The following FAM241A variants were observed in gnomAD, a reference collection of about 807,000 sequenced individuals.
FAM241A encodes the protein uncharacterized protein FAM241A.
FAM241A carries 7 observed loss-of-function variants against 12.2 expected under a neutral mutation model. The ratio of observed to expected loss-of-function variants is 0.58; its 90% confidence interval spans 0.33 to 1.08. The LOEUF (loss-of-function observed/expected upper bound fraction) is 1.08. Among genes scored for constraint, FAM241A ranks in the 50% least tolerant of loss-of-function variants. FAM241A has a pLI of 0.04. For synonymous variants in FAM241A, 74 were observed against 68.2 expected (o/e 1.08, Z -0.42); for missense variants, 161 against 169.7 (o/e 0.95, Z 0.29).
chr4:112,172,438 G>C (rs1366573518), intron 1 of FAM241A, among the ~76,000 whole-genome samples: 1 of 152,150 alleles, frequency 6.6e-6, no homozygotes, highest in African/African-American at 2.4e-5. Context: ...GCTATAACCA[G>C]CTATCCTTTT....
intron 1 of FAM241A, among the ~76,000 whole-genome samples, chr4:112,167,113 CAAA>C (rs1216781434): frequency 3.5e-5 from 3 of 86,202 alleles, no homozygotes; most frequent in African/African-American, 8.5e-5. Flanking sequence ...GACTCCGTCT[CAAA>C]AAAAAAAAAA....
In FAM241A at chr4:112,192,737, A is replaced by G. The variant is rs1486669401; in HGVS notation, c.*5799A>G. 6.6e-6 allele frequency: 1 copy of G among 150,738 alleles called. No homozygotes were observed. Among genetic ancestry groups the G allele is most frequent in the Non-Finnish European group, 1.5e-5 (1 of 67,578 alleles). The allele number at this position is 150,738 out of a possible 1,614,324, so 9.3% of individuals were successfully genotyped here. ...TATATGTGCCACATTTTCTTAATCC[A>G]GTCTATCATTGTTGGACATTTGGGT... is the stretch of plus-strand genomic sequence containing the variant. On this transcript the variant is annotated 3_prime_UTR_variant, in exon 2 of 2. Coordinates refer to ENST00000309733, the MANE Select transcript of FAM241A (RefSeq NM_152400.3).
At position 112,151,983 on chromosome 4, in the gene FAM241A, TC is replaced by T. The variant is rs376972197; in HGVS notation, c.153+6252del. ...AACTAAATATTAGTTTATACTCACTTCCTTTCACGTATTTTAAAAGCAGTTT... is the reference window on the plus strand; with the variant it reads ...AACTAAATATTAGTTTATACTCACTTCTTTCACGTATTTTAAAAGCAGTTT... On this transcript the variant is annotated intron_variant, in intron 1 of 1. Coordinates refer to ENST00000309733, the MANE Select transcript of FAM241A (RefSeq NM_152400.3). 3.2e-4 allele frequency among the ~76,000 whole-genome samples: 49 copies of T among 152,380 alleles called. No individual in the cohort carries two copies. The East Asian group carries it at 9.2e-3, about 29-fold the overall frequency.
chr4:112,168,665 AT>A (rs146001118), intron 1 of FAM241A, among the ~76,000 whole-genome samples: 51,529 of 149,846 alleles, frequency 0.34, 8,888 homozygotes, highest in East Asian at 0.53. Flanking sequence ...CTATATTTGG[AT>A]TTTTTTTTTT....
chr4:112,160,481 C>G (rs560754267), intron 1 of FAM241A, among the ~76,000 whole-genome samples: 1 of 151,950 alleles, frequency 6.6e-6, no homozygotes, highest in South Asian at 2.1e-4. Flanking sequence ...CCATACTACC[C>G]GAAGCAACCT....
chr4:112,164,526 A>G (rs989633645), intron 1 of FAM241A, among the ~76,000 whole-genome samples: 5 of 152,354 alleles, frequency 3.3e-5, no homozygotes, highest in African/African-American at 9.6e-5. Flanking sequence ...GCAGCACACC[A>G]ACATGGCACA....
chr4:112,160,951 A>G (rs1723451662), intron 1 of FAM241A, among the ~76,000 whole-genome samples: 1 of 152,244 alleles, frequency 6.6e-6, no homozygotes, highest in African/African-American at 2.4e-5. Flanking sequence ...CAAACTATGA[A>G]ACTACTACAA....
At chr4:112,181,356 T>A (rs138258423) in intron 1 of FAM241A, among the ~76,000 whole-genome samples, 36 of 152,208 alleles carry the variant, frequency 2.4e-4, no homozygotes, top group African/African-American at 8.7e-4. Context: ...GTAGAAAATC[T>A]ATCAAATACT....
intron 1 of FAM241A, among the ~76,000 whole-genome samples, chr4:112,166,840 C>T (rs1482377954): frequency 6.6e-6 from 1 of 151,942 alleles, no homozygotes; most frequent in African/African-American, 2.4e-5. Flanking sequence ...ACTGGCCGGG[C>T]GCGGTGGCTC....
chr4:112,161,536 A>G (rs1723469413), intron 1 of FAM241A, among the ~76,000 whole-genome samples: 1 of 152,218 alleles, frequency 6.6e-6, no homozygotes. Flanking sequence ...AAACACCACT[A>G]CGCAAGTAAA....
rs1302911826 is a variant in FAM241A at position 112,189,200 on chromosome 4, A to G, written c.*2262A>G. 6.6e-6 allele frequency: 1 copy of G among 151,900 alleles called. No homozygotes were observed. The highest frequency in any genetic ancestry group is 2.4e-5 in the African/African-American group (1 of 41,338). 9.4% of individuals were successfully genotyped at this position (151,900 alleles called of 1,614,324 possible). ...GGAGATCGAGACCTTCCTGGCTAACATGGTGAAACCCCATCCCTACTAAAG... is the reference window on the plus strand; with the variant it reads ...GGAGATCGAGACCTTCCTGGCTAACGTGGTGAAACCCCATCCCTACTAAAG... On this transcript the variant is annotated 3_prime_UTR_variant, in exon 2 of 2. Coordinates refer to ENST00000309733, the MANE Select transcript of FAM241A (RefSeq NM_152400.3).
rs866066181 is a variant in FAM241A, at chr4:112,192,677, C to T, written c.*5739C>T. ...CATGTCCCTACAAAGGACATGAACT[C>T]ATCCTTTTTTATGGCTGCATAGTAT... On this transcript the variant is annotated 3_prime_UTR_variant, in exon 2 of 2. Coordinates refer to ENST00000309733, the MANE Select transcript of FAM241A (RefSeq NM_152400.3). 6.6e-6 allele frequency: 1 copy of T among 151,518 alleles called. No homozygotes were observed. The highest frequency in any genetic ancestry group is 1.5e-5 in the Non-Finnish European group (1 of 67,938). 9.4% of individuals were successfully genotyped at this position (151,518 alleles called of 1,614,324 possible).
At position 112,186,851 on chromosome 4, in the gene FAM241A, CT is replaced by C. The variant is rs2110436651; in HGVS notation, c.316del (p.Trp106GlyfsTer14). On this transcript the variant is annotated frameshift_variant, in exon 2 of 2. Transcript: ENST00000309733. LOFTEE classifies it high-confidence loss of function. ...RIVEPVIVIFFWVMLWFLGLQ... is the reference protein window; with the variant it reads ...RIVEPVIVIFXWVMLWFLGLQ... The stretch of plus-strand genomic sequence containing the variant: ...TAGTGGAACCAGTAATAGTCATTTT[CT>C]TTTGGGTTATGCTGTGGTTCCTTGG... 1 of 1,613,956 alleles carries C rather than the reference CT, an allele frequency of 6.2e-7. No homozygotes were observed. The highest frequency in any genetic ancestry group is 2.2e-5 in the East Asian group (1 of 44,874).
intron 1 of FAM241A, among the ~76,000 whole-genome samples, chr4:112,150,023 T>C (rs1026169147): frequency 3.3e-5 from 5 of 152,076 alleles, no homozygotes; most frequent in Admixed American, 2.6e-4. Context: ...TCTATACATA[T>C]TAAGAAATTT....
chr4:112,179,943 A>ATATATATATATATATG (rs1553921438), intron 1 of FAM241A, among the ~76,000 whole-genome samples: 5 of 129,506 alleles, frequency 3.9e-5, no homozygotes, highest in East Asian at 2.5e-4. Context: ...ATATATGTAT[A>ATATATATATATATATG]TGTGTGTGTG....
Position 112,188,518 on chromosome 4 carries a change from A to G in FAM241A, c.*1580A>G, listed in dbSNP as rs1724089795. ...AAATTTGACTTTTAAAAAACAAAAG[A>G]CTTTGTACGATATTGTGTTTTTATT... On this transcript the variant is annotated 3_prime_UTR_variant, in exon 2 of 2. Coordinates refer to ENST00000309733, the MANE Select transcript of FAM241A (RefSeq NM_152400.3). 2 of 152,152 alleles carry G rather than the reference A, an allele frequency of 1.3e-5. No individual in the cohort carries two copies. Among genetic ancestry groups the G allele is most frequent in the South Asian group, 2.1e-4 (1 of 4,836 alleles). 9.4% of individuals were successfully genotyped at this position (152,152 alleles called of 1,614,324 possible). A position where few individuals can be genotyped will look rare whatever the true frequency, so the allele number is the denominator to read the frequency against.
At chr4:112,173,824 A>G (rs1025843562) in intron 1 of FAM241A, among the ~76,000 whole-genome samples, 3 of 152,202 alleles carry the variant, frequency 2.0e-5, no homozygotes, top group Admixed American at 6.5e-5. Context: ...ATCAAAAGTA[A>G]TGTCCAGAAA....
chr4:112,152,651 T>C (rs543179072), intron 1 of FAM241A, among the ~76,000 whole-genome samples: 1 of 152,288 alleles, frequency 6.6e-6, no homozygotes, highest in South Asian at 2.1e-4. Context: ...CATGTGTTTT[T>C]TCCCTCCCCA....
chr4:112,176,463 A>T (rs974501031), intron 1 of FAM241A, among the ~76,000 whole-genome samples: 1 of 152,228 alleles, frequency 6.6e-6, no homozygotes, highest in Non-Finnish European at 1.5e-5. Flanking sequence ...GCCCAATGTC[A>T]CACAGCTGAT....
Sources: gnomAD v4.1 joint callset for allele counts (sites outside exome capture counted in the v4.1 genomes callset) on GRCh38, gnomAD v4.1.1 for gene constraint, MANE v1.5 for transcripts, NCBI Gene and HGNC (gene_info 2026-07-23, HGNC 2026-07-21) for gene names.